The following GALK2 variants were observed in gnomAD, a reference collection of about 807,000 sequenced individuals.
The protein encoded by GALK2 is N-acetylgalactosamine kinase.
GALK2 carries 36 observed loss-of-function variants against 52.4 expected under a neutral mutation model. The ratio of observed to expected loss-of-function variants is 0.69; its 90% CI spans 0.53 to 0.91. The LOEUF is 0.91. Ranked by LOEUF, GALK2 falls within the 40% of genes least tolerant of loss-of-function variation. The pLI, the probability that GALK2 is intolerant of heterozygous loss-of-function variation, is 0.00. For synonymous variants in GALK2, 176 were observed against 199.1 expected (o/e 0.88, Z 0.98); for missense variants, 579 against 559.1 (o/e 1.04, Z -0.36).
chr15:49,244,082 A>C (rs2091231026), intron 5 of GALK2, among the ~76,000 whole-genome samples: 1 of 152,036 alleles, frequency 6.6e-6, no homozygotes, highest in African/African-American at 2.4e-5. Context: ...GTAAGGAAAA[A>C]CAGAAAAAAC....
chr15:49,344,457 T>C (rs2041178267), intron 3 of GALK2, among the ~76,000 whole-genome samples: 1 of 152,198 alleles, frequency 6.6e-6, no homozygotes, highest in Admixed American at 6.5e-5. Context: ...TGGTACTAAC[T>C]TTATTGTGTT....
intron 1 of GALK2, among the ~76,000 whole-genome samples, chr15:49,189,078 CT>C (rs1166578604): frequency 6.6e-6 from 1 of 152,096 alleles, no homozygotes; most frequent in Non-Finnish European, 1.5e-5. Flanking sequence ...GTATCCCCTG[CT>C]TTTTTATAGA....
intron 5 of GALK2, among the ~76,000 whole-genome samples, chr15:49,277,072 C>G (rs1442742870): frequency 7.1e-6 from 1 of 141,210 alleles, no homozygotes; most frequent in East Asian, 2.1e-4. Flanking sequence ...CTCCTGGGTT[C>G]ACGCCATTCT....
intron 2 of GALK2, among the ~76,000 whole-genome samples, chr15:49,202,770 G>A (rs750215776): frequency 1.3e-5 from 2 of 152,024 alleles, no homozygotes; most frequent in East Asian, 1.9e-4. Context: ...TTTTTGAGGA[G>A]CCTTCATACT....
At chr15:49,309,272 G>A (rs1339974721) in intron 8 of GALK2, among the ~76,000 whole-genome samples, 1 of 152,150 alleles carries the variant, frequency 6.6e-6, no homozygotes, top group Non-Finnish European at 1.5e-5. Flanking sequence ...AAGATTTTGT[G>A]AGCTTCTCAA....
In GALK2 at chr15:49,331,413, G is replaced by T. The variant is rs1322352824; in HGVS notation, c.*3254G>T. The T allele has an allele frequency of 1.0e-5, 2 of 197,042 alleles. No individual in the cohort carries two copies. The allele number at this position is 197,042 out of a possible 1,614,324, so 12.2% of individuals were successfully genotyped here. ...TCATATTCTGCCTTGATAATTGAGG[G>T]CAGGGACCATTCATCTAACACAGCT... On this transcript the variant is annotated 3_prime_UTR_variant, in exon 10 of 10. Transcript: ENST00000560031.
chr15:49,301,085 T>C (rs1425355744), intron 8 of GALK2, among the ~76,000 whole-genome samples: 1 of 152,184 alleles, frequency 6.6e-6, no homozygotes, highest in Non-Finnish European at 1.5e-5. Context: ...CTTGTTTGTC[T>C]GGATATGAAA....
rs1047343724 is a variant in GALK2 at position 49,294,925 on chromosome 15, A to C, written c.967+2388A>C. On this transcript the variant is annotated intron_variant, in intron 8 of 9. Coordinates refer to ENST00000560031, the MANE Select transcript of GALK2 (RefSeq NM_002044.4). ...TGAATGAAGACAAAGTAGCACAAGG[A>C]GTCGAGTACTGGAGAACATGCACCA... 2.0e-5 allele frequency among the ~76,000 whole-genome samples: 3 copies of C among 152,160 alleles called. No individual in the cohort carries two copies. In the South Asian group the frequency reaches 6.2e-4, roughly 32 times the overall value.
chr15:49,178,378 C>CATATAT (rs10574188), intron 1 of GALK2: 147 of 151,620 alleles, frequency 9.7e-4, no homozygotes, highest in Middle Eastern at 3.2e-3. Context: ...TATATATGTA[C>CATATAT]ATATATATAT....
intron 3 of GALK2, chr15:49,366,566 T>A (rs1227564855): frequency 6.3e-7 from 1 of 1,596,166 alleles, no homozygotes; most frequent in East Asian, 2.2e-5. Context: ...CATGCAGTAG[T>A]CCTTGGATGT....
At chr15:49,203,474 T>C (rs1156873872) in intron 2 of GALK2, among the ~76,000 whole-genome samples, 1 of 152,248 alleles carries the variant, frequency 6.6e-6, no homozygotes, top group East Asian at 1.9e-4. Context: ...TTTCAACAGG[T>C]TGTCTCTTCA....
intron 5 of GALK2, among the ~76,000 whole-genome samples, chr15:49,242,066 G>A (rs1182456400): frequency 6.6e-6 from 1 of 151,978 alleles, no homozygotes; most frequent in South Asian, 2.1e-4. Flanking sequence ...ATGAAAGGAA[G>A]TCTGTAATTT....
chr15:49,319,708 C>T lies in GALK2; in HGVS notation c.1072C>T (p.Gln358Ter), dbSNP rs923891056. ...TGAAGAAGCACCTGAAAACATGGTC[C>T]AGCTGCTGGGAGAGTTGATGAACCA... is the stretch of plus-strand genomic sequence containing the variant. ...ICEEAPENMV[Q>*]LLGELMNQSH... The change falls in exon 9 of 10, where the codon CAG becomes TAG. Residue 358 changes from glutamine to a stop codon, truncating the protein, a stop_gained. Coordinates refer to ENST00000560031, the MANE Select transcript of GALK2 (RefSeq NM_002044.4). LOFTEE classifies it high-confidence loss of function. 6.2e-7 allele frequency: 1 copy of T among 1,614,126 alleles called. No homozygotes were observed. The highest frequency in any genetic ancestry group is 8.5e-7 in the Non-Finnish European group (1 of 1,180,028).
intron 8 of GALK2, among the ~76,000 whole-genome samples, chr15:49,301,108 A>T (rs900207697): frequency 6.6e-6 from 1 of 152,068 alleles, no homozygotes; most frequent in African/African-American, 2.4e-5. Flanking sequence ...CTTGGTTGGA[A>T]TTTCTTTTTT....
chr15:49,211,014 T>A (rs143665335), intron 2 of GALK2, among the ~76,000 whole-genome samples: 2,351 of 136,748 alleles, frequency 0.017, 29 homozygotes, highest in South Asian at 0.028. Flanking sequence ...CACGGCCTTT[T>A]CATTTCTACC....
intron 1 of GALK2, among the ~76,000 whole-genome samples, chr15:49,195,914 A>C (rs545269978): frequency 6.6e-6 from 1 of 152,266 alleles, no homozygotes; most frequent in East Asian, 1.9e-4. Flanking sequence ...TCAAAAATGG[A>C]ATCAGACTAT....
chr15:49,189,815 T>A (rs181017780), intron 1 of GALK2, among the ~76,000 whole-genome samples: 17 of 152,320 alleles, frequency 1.1e-4, no homozygotes, highest in Admixed American at 1.1e-3. Flanking sequence ...ATTATGCTAC[T>A]CAGAATAGTG....
chr15:49,301,274 A>C (rs1013754567), intron 8 of GALK2, among the ~76,000 whole-genome samples: 1 of 152,220 alleles, frequency 6.6e-6, no homozygotes, highest in Non-Finnish European at 1.5e-5. Context: ...AGAAATGCTC[A>C]GTGGCCATTC....
In GALK2 at chr15:49,160,946, AAT is replaced by A. The variant is rs1295770588; in HGVS notation, c.20+4931_20+4932del. ...TAAATCACATGGTTACTCTACTTTT[AAT>A]TGTTCAAAAGAGAAAATAGGATCCC... is the stretch of plus-strand genomic sequence containing the variant. On this transcript the variant is annotated intron_variant, in intron 1 of 9. Transcript: ENST00000327171. Among the ~76,000 whole-genome samples, 4 of 152,274 alleles carry A rather than the reference AAT, an allele frequency of 2.6e-5. No individual in the cohort carries two copies. In the East Asian group the frequency reaches 7.7e-4, roughly 29 times the overall value.
Sources: gnomAD v4.1 joint callset for allele counts (sites outside exome capture counted in the v4.1 genomes callset) on GRCh38, gnomAD v4.1.1 for gene constraint, MANE v1.5 for transcripts, NCBI Gene and HGNC (gene_info 2026-07-23, HGNC 2026-07-21) for gene names.